ADK: variants seen among roughly 807,000 people sequenced by gnomAD.
The protein encoded by ADK is N6,N6-dimethyladenosine kinase.
In ADK, 24 loss-of-function variants were observed where a neutral mutation model predicts 44.7. The observed-to-expected ratio is 0.54, with a 90% CI of 0.39 to 0.76. ADK has a LOEUF of 0.76. Among genes scored for constraint, ADK ranks in the 30% least tolerant of loss-of-function variants. The probability of loss-of-function intolerance (pLI) is 0.00; values close to 1 mark genes in which losing one functional copy is unlikely to be tolerated. For synonymous variants in ADK, 128 were observed against 142.6 expected (o/e 0.90, Z 0.73); for missense variants, 321 against 425.1 (o/e 0.76, Z 2.15).
chr10:74,180,411 C>G (rs4746179), intron 1 of ADK, among the ~76,000 whole-genome samples: 28,406 of 136,046 alleles, frequency 0.21, 3,719 homozygotes, highest in African/African-American at 0.39. Context: ...TAATTTTTTT[C>G]TATTTTTGGT....
At chr10:74,622,787 C>T (rs1479846154) in intron 9 of ADK, among the ~76,000 whole-genome samples, 1 of 152,092 alleles carries the variant, frequency 6.6e-6, no homozygotes, top group Non-Finnish European at 1.5e-5. Flanking sequence ...GCGGGAGGGT[C>T]ACCTAAGGTC....
intron 7 of ADK, among the ~76,000 whole-genome samples, chr10:74,530,869 G>A (rs759814940): frequency 7.9e-5 from 12 of 152,116 alleles, no homozygotes; most frequent in Non-Finnish European, 1.3e-4. Flanking sequence ...AGGTTGCAGC[G>A]AGCCAAAATT....
chr10:74,176,564 A>G lies in ADK; in HGVS notation c.66-24200A>G, dbSNP rs1213499175. On this transcript the variant is annotated intron_variant, in intron 1 of 10. Transcript: ENST00000539909. ...TGACGGGACGCTGTTACTAGGACTC[A>G]AGATGGCCACCGCGCCCGCTAGTCA... The G allele has an allele frequency of 8.9e-6, 12 of 1,345,714 alleles. No homozygotes were observed. The East Asian group carries it at 3.6e-4, about 40-fold the overall frequency. 83.4% of individuals were successfully genotyped at this position (1,345,714 alleles called of 1,614,324 possible). A position where few individuals can be genotyped will look rare whatever the true frequency, so the allele number is the denominator to read the frequency against.
chr10:74,200,920 C>A, intron 2 of ADK, 82 bp downstream of exon 2: 1 of 932,874 alleles, frequency 1.1e-6, no homozygotes, highest in Non-Finnish European at 1.7e-6. Flanking sequence ...GTGAATTTAC[C>A]ACCGAATGTC....
intron 9 of ADK, among the ~76,000 whole-genome samples, chr10:74,611,001 G>A (rs537051269): frequency 6.6e-6 from 1 of 151,880 alleles, no homozygotes; most frequent in Non-Finnish European, 1.5e-5. Flanking sequence ...AATTAAATAG[G>A]TCCACTGAAA....
intron 2 of ADK, among the ~76,000 whole-genome samples, chr10:74,217,651 C>A (rs1337955355): frequency 6.6e-6 from 1 of 152,152 alleles, no homozygotes; most frequent in Non-Finnish European, 1.5e-5. Flanking sequence ...ACTCACATGG[C>A]CGGGTACTCC....
chr10:74,317,474 C>T (rs894228625), intron 4 of ADK, among the ~76,000 whole-genome samples: 3 of 151,552 alleles, frequency 2.0e-5, no homozygotes, highest in Non-Finnish European at 2.9e-5. Flanking sequence ...GCCTGTAATC[C>T]CAGCATTTTG....
At chr10:74,226,315 C>G (rs906422300) in intron 3 of ADK, among the ~76,000 whole-genome samples, 8 of 152,142 alleles carry the variant, frequency 5.3e-5, no homozygotes, top group Non-Finnish European at 8.8e-5. Context: ...CCATGTTGGC[C>G]AGGCTGGTCT....
intron 9 of ADK, among the ~76,000 whole-genome samples, chr10:74,639,095 CA>C (rs1853732313): frequency 1.3e-5 from 2 of 152,200 alleles, no homozygotes; most frequent in Non-Finnish European, 2.9e-5. Flanking sequence ...AAGCATGAAC[CA>C]CCATGCTCAG....
At chr10:74,277,523 A>G (rs1431469611) in intron 3 of ADK, among the ~76,000 whole-genome samples, 1 of 151,920 alleles carries the variant, frequency 6.6e-6, no homozygotes, top group African/African-American at 2.4e-5. Flanking sequence ...CAGCCTCCCA[A>G]GTAGCTGGGA....
chr10:74,300,000 A>G (rs1839946508), intron 3 of ADK, among the ~76,000 whole-genome samples: 1 of 151,818 alleles, frequency 6.6e-6, no homozygotes, highest in African/African-American at 2.4e-5. Context: ...TTTGAAAATT[A>G]GCTTTTACTG....
intron 1 of ADK, among the ~76,000 whole-genome samples, chr10:74,178,501 CT>C (rs1842426869): frequency 6.6e-6 from 1 of 152,178 alleles, no homozygotes; most frequent in Non-Finnish European, 1.5e-5. Context: ...GGGTCAAATA[CT>C]TTCTGTGTTA....
intron 9 of ADK, among the ~76,000 whole-genome samples, chr10:74,622,677 C>A (rs1458830387): frequency 3.9e-5 from 6 of 152,102 alleles, no homozygotes; most frequent in African/African-American, 1.2e-4. Flanking sequence ...GTCACTTTCC[C>A]AAGGTCTCAG....
At chr10:74,170,995 G>T (rs2132054751) in intron 1 of ADK, among the ~76,000 whole-genome samples, 1 of 151,886 alleles carries the variant, frequency 6.6e-6, no homozygotes, top group Non-Finnish European at 1.5e-5. Flanking sequence ...TGCATATATG[G>T]TGTGTATTTT....
At chr10:74,565,902 G>A (rs1850650759) in intron 7 of ADK, among the ~76,000 whole-genome samples, 1 of 152,058 alleles carries the variant, frequency 6.6e-6, no homozygotes. Context: ...AGACAAAATT[G>A]TTATCTTGAG....
At chr10:74,600,833 A>G (rs1852096110) in intron 9 of ADK, among the ~76,000 whole-genome samples, 1 of 152,082 alleles carries the variant, frequency 6.6e-6, no homozygotes, top group South Asian at 2.1e-4. Flanking sequence ...AATTTACTCA[A>G]TTATGAACAA....
chr10:74,363,919 C>G (rs1842420277), intron 4 of ADK, among the ~76,000 whole-genome samples: 1 of 152,146 alleles, frequency 6.6e-6, no homozygotes, highest in Admixed American at 6.5e-5. Flanking sequence ...TAGGATGCAT[C>G]CCCTACTGCA....
chr10:74,660,800 A>G lies in ADK; in HGVS notation c.878-9383A>G, dbSNP rs191555396. Among the ~76,000 whole-genome samples the G allele has an allele frequency of 5.3e-5, 8 of 151,142 alleles. No individual in the cohort carries two copies. In the East Asian group the frequency reaches 1.4e-3, roughly 26 times the overall value. The stretch of plus-strand genomic sequence containing the variant: ...TGTAATCCCAGCACTTTGGGAGGCC[A>G]AGGCAGGTGGATCATGAGGTCAGGG... On this transcript the variant is annotated intron_variant, in intron 9 of 10. Coordinates refer to ENST00000539909, the MANE Select transcript of ADK (RefSeq NM_006721.4).
chr10:74,632,052 G>A (rs570766812), intron 9 of ADK, among the ~76,000 whole-genome samples: 2 of 151,452 alleles, frequency 1.3e-5, no homozygotes, highest in Non-Finnish European at 1.5e-5. Flanking sequence ...TTGTGCAACC[G>A]TGACCACGAT....
Sources: gnomAD v4.1 joint callset for allele counts (sites outside exome capture counted in the v4.1 genomes callset) on GRCh38, gnomAD v4.1.1 for gene constraint, MANE v1.5 for transcripts, NCBI Gene and HGNC (gene_info 2026-07-23, HGNC 2026-07-21) for gene names.